The following ROS1 variants were observed in gnomAD, a reference collection of about 807,000 sequenced individuals.
ROS1 encodes ROS proto-oncogene 1, receptor tyrosine kinase.
Under a neutral mutation model 273.5 loss-of-function variants are expected in ROS1, and 263 were observed. The ratio of observed to expected loss-of-function variants is 0.96; its 90% CI spans 0.87 to 1.06. The LOEUF is 1.06. Ranked by LOEUF, ROS1 falls within the 50% of genes least tolerant of loss-of-function variation. The pLI is 0.00. For missense variants in ROS1, 2,833 were observed against 2,751.1 expected, an observed-to-expected ratio of 1.03 and a Z score of -0.67; for synonymous variants, 1,008 against 954.1, an observed-to-expected ratio of 1.06 and a Z score of -1.04.
intron 18 of ROS1, among the ~76,000 whole-genome samples, chr6:117,369,766 G>A (rs917069577): frequency 6.6e-6 from 1 of 152,068 alleles, no homozygotes; most frequent in African/African-American, 2.4e-5. Context: ...TCACAGGTAG[G>A]AAACTAGCCA....
At position 117,295,121 on chromosome 6, in the gene ROS1, A is replaced by T. The variant is rs565216266; in HGVS notation, c.6715+5853T>A. ...GCATAAAAACTCACACATAGATCAA[A>T]GGTACATATACAGAATGGAATACAT... On this transcript the variant is annotated intron_variant, in intron 43 of 43. Transcript: ENST00000368507. Among the ~76,000 whole-genome samples, 3 of 152,092 alleles carry T rather than the reference A, an allele frequency of 2.0e-5. No individual in the cohort carries two copies. In the South Asian group the frequency reaches 6.2e-4, roughly 32 times the overall value.
In ROS1 at chr6:117,303,806, G is replaced by A. The variant is rs539900965; in HGVS notation, c.6552-2669C>T. 3.3e-5 allele frequency among the ~76,000 whole-genome samples: 5 copies of A among 152,322 alleles called. No individual in the cohort carries two copies. The South Asian group carries it at 1.0e-3, about 32-fold the overall frequency. On this transcript the variant is annotated intron_variant, in intron 42 of 43. Coordinates refer to ENST00000368507, the MANE Select transcript of ROS1 (RefSeq NM_001378902.1). The stretch of plus-strand genomic sequence containing the variant: ...ATGAGAGATAATGATGGTGTGGACT[G>A]AGGTAATGCCTGTGGAGCTAGAACA...
At chr6:117,385,154 C>T (rs563292882) in intron 16 of ROS1, among the ~76,000 whole-genome samples, 8 of 152,272 alleles carry the variant, frequency 5.3e-5, no homozygotes, top group Admixed American at 1.3e-4. Context: ...CAAGAACCAA[C>T]GCTCAGGTGA....
Position 117,338,539 on chromosome 6 carries a change from C to CAA in ROS1, c.5062-1201_5062-1200dup, listed in dbSNP as rs3086778. On this transcript the variant is annotated intron_variant, in intron 31 of 43. Transcript: ENST00000368507. ...AGAGAGAGAGAAATTAACTCCTGGC[C>CAA]AAAAAAAAAAAGTCTTAACTCTTTA... Among the ~76,000 whole-genome samples, 38 of 141,660 alleles carry CAA rather than the reference C, an allele frequency of 2.7e-4. 2 individuals carry two copies. In the South Asian group the frequency reaches 4.7e-3, roughly 17 times the overall value. The allele number at this position is 141,660 out of a possible 152,430, so 92.9% of individuals were successfully genotyped here. A position where few individuals can be genotyped will look rare whatever the true frequency, so the allele number is the denominator to read the frequency against.
chr6:117,328,474 A>G (rs1776806236), intron 33 of ROS1: 3 of 338,486 alleles, frequency 8.9e-6, no homozygotes, highest in Non-Finnish European at 1.7e-5. Flanking sequence ...CAGAAACTTC[A>G]AGGAGGTTTC....
chr6:117,398,548 G>T (rs376260590), intron 7 of ROS1, among the ~76,000 whole-genome samples: 53 of 149,888 alleles, frequency 3.5e-4, no homozygotes, highest in Non-Finnish European at 5.5e-4. Context: ...GCATGGTGGC[G>T]CATGCCTGTA....
chr6:117,418,771 C>A (rs977134711), intron 1 of ROS1, among the ~76,000 whole-genome samples: 3 of 152,144 alleles, frequency 2.0e-5, no homozygotes, highest in African/African-American at 4.8e-5. Context: ...GAGTCTCATG[C>A]AGAATTAAAT....
At position 117,366,308 on chromosome 6, in the gene ROS1, C is replaced by A. The variant is rs1459872245; in HGVS notation, c.2583-18G>T. ...CCCCAGTGCTGCTAAAACATAACAC[C>A]AATTAGTGTGTGTTTCTGGAGTGGT... On this transcript the variant is annotated intron_variant, in intron 18 of 43. Coordinates refer to ENST00000368507, the MANE Select transcript of ROS1 (RefSeq NM_001378902.1). 6.3e-7 allele frequency: 1 copy of A among 1,589,050 alleles called. No homozygotes were observed. Among genetic ancestry groups the A allele is most frequent in the South Asian group, 1.1e-5 (1 of 90,546 alleles).
At chr6:117,372,892 C>G (rs1780947481) in intron 18 of ROS1, among the ~76,000 whole-genome samples, 1 of 152,230 alleles carries the variant, frequency 6.6e-6, no homozygotes, top group Non-Finnish European at 1.5e-5. Flanking sequence ...ATTCCCTTAT[C>G]TGGCCCCACC....
intron 12 of ROS1, among the ~76,000 whole-genome samples, chr6:117,391,130 A>G (rs1773032577): frequency 6.6e-6 from 1 of 152,148 alleles, no homozygotes; most frequent in Admixed American, 6.5e-5. Context: ...AATCTTGATC[A>G]ATTTTCTCAA....
intron 11 of ROS1, among the ~76,000 whole-genome samples, 161 bp from the exon 12 acceptor site, chr6:117,393,482 A>G (rs1000709029): frequency 6.6e-6 from 1 of 152,194 alleles, no homozygotes; most frequent in African/African-American, 2.4e-5. Context: ...CGACAGTTTT[A>G]TATCCTATAT....
chr6:117,404,201 A>T (rs1562372421), intron 6 of ROS1, 79 bp downstream of exon 6: 2 of 1,343,214 alleles, frequency 1.5e-6, no homozygotes, highest in Admixed American at 2.0e-5. Flanking sequence ...AGCCTGGGCG[A>T]CAGAGCGAGA....
At chr6:117,318,383 A>T in intron 37 of ROS1, 131 bp from the exon 38 acceptor site, 3 of 675,772 alleles carry the variant, frequency 4.4e-6, no homozygotes, top group Non-Finnish European at 7.9e-6. Context: ...TAGATAAAAC[A>T]TGTGCATGTA....
At chr6:117,318,980 T>C (rs1038101622) in intron 37 of ROS1, among the ~76,000 whole-genome samples, 4 of 152,102 alleles carry the variant, frequency 2.6e-5, no homozygotes, top group Admixed American at 2.0e-4. Context: ...AAATAAACAT[T>C]TGTTTAAAAC....
intron 10 of ROS1, 42 bp from the exon 11 acceptor site, chr6:117,394,388 A>T (rs1428334392): frequency 7.2e-7 from 1 of 1,392,808 alleles, no homozygotes; most frequent in Non-Finnish European, 9.5e-7. Context: ...TTATATAACA[A>T]CCAGGACAAA....
rs193260865 is a variant in ROS1 at position 117,425,824 on chromosome 6, T to A, written c.-168A>T. On this transcript the variant is annotated 5_prime_UTR_variant, in exon 1 of 44. Coordinates refer to ENST00000368507, the MANE Select transcript of ROS1 (RefSeq NM_001378902.1). ...CCTTTTGAAATAATACTTAGCCTTT[T>A]TCATTTAGACCTTTGAATGCTTGAA... The A allele has an allele frequency of 6.8e-5, 44 of 643,860 alleles. No homozygotes were observed. Among genetic ancestry groups the A allele is most frequent in the Non-Finnish European group, 1.1e-4 (44 of 384,152 alleles). The allele number at this position is 643,860 out of a possible 1,614,324, so 39.9% of individuals were successfully genotyped here. A position where few individuals can be genotyped will look rare whatever the true frequency, so the allele number is the denominator to read the frequency against.
At chr6:117,365,939 G>T in intron 19 of ROS1, 137 bp downstream of exon 19, 2 of 870,370 alleles carry the variant, frequency 2.3e-6, no homozygotes, top group Non-Finnish European at 3.5e-6. Context: ...TAAACTCACT[G>T]CAAGCAAACC....
intron 39 of ROS1, among the ~76,000 whole-genome samples, chr6:117,314,481 G>GAACA (rs1316303971): frequency 6.6e-6 from 1 of 152,122 alleles, no homozygotes; most frequent in East Asian, 1.9e-4. Flanking sequence ...AAAGCAAAAA[G>GAACA]AACGTTTAGG....
intron 43 of ROS1, among the ~76,000 whole-genome samples, chr6:117,293,255 T>C (rs2128525852): frequency 6.6e-6 from 1 of 152,318 alleles, no homozygotes; most frequent in East Asian, 1.9e-4. Context: ...TCCTGGATTC[T>C]GGCAGAAGAT....
Sources: gnomAD v4.1 joint callset for allele counts (sites outside exome capture counted in the v4.1 genomes callset) on GRCh38, gnomAD v4.1.1 for gene constraint, MANE v1.5 for transcripts, NCBI Gene and HGNC (gene_info 2026-07-23, HGNC 2026-07-21) for gene names.